PTPRQ: variants seen among roughly 807,000 people sequenced by gnomAD.
PTPRQ encodes the protein protein tyrosine phosphatase receptor type Q, also known as phosphatidylinositol phosphatase PTPRQ.
A neutral mutation model predicts 246.0 loss-of-function variants in PTPRQ; 199 were observed. That is an observed-to-expected ratio of 0.81 (90% CI 0.72 to 0.91). PTPRQ has a LOEUF of 0.91. Among genes scored for constraint, PTPRQ ranks in the 40% least tolerant of loss-of-function variants. The pLI, the probability that PTPRQ is intolerant of heterozygous loss-of-function variation, is 0.00. For synonymous variants in PTPRQ, 869 were observed against 853.2 expected (o/e 1.02, Z -0.32); for missense variants, 2,624 against 2,528.4 (o/e 1.04, Z -0.81).
At chr12:80,556,956 A>G (rs1273780678) in intron 25 of PTPRQ, among the ~76,000 whole-genome samples, 1 of 152,168 alleles carries the variant, frequency 6.6e-6, no homozygotes, top group African/African-American at 2.4e-5. Flanking sequence ...TCTTAGTTTG[A>G]TGTGACTGTC....
chr12:80,539,625 T>C (rs1896090019), intron 19 of PTPRQ, 151 bp from the exon 20 acceptor site: 2 of 580,592 alleles, frequency 3.4e-6, no homozygotes, highest in Non-Finnish European at 5.4e-6. Context: ...GTTTAATTGT[T>C]GCAATAAAAA....
chr12:80,571,352 C>G (rs1006601767), intron 25 of PTPRQ, among the ~76,000 whole-genome samples: 1 of 152,192 alleles, frequency 6.6e-6, no homozygotes. Flanking sequence ...GTTGGTCAGG[C>G]TGGTCTCGAA....
At chr12:80,622,790 A>G (rs1176522956) in intron 33 of PTPRQ, among the ~76,000 whole-genome samples, 2 of 152,074 alleles carry the variant, frequency 1.3e-5, no homozygotes, top group Non-Finnish European at 2.9e-5. Flanking sequence ...TGTTGGGAAA[A>G]TATTGATAAG....
intron 35 of PTPRQ, among the ~76,000 whole-genome samples, chr12:80,636,445 G>A (rs1899654696): frequency 6.6e-6 from 1 of 152,158 alleles, no homozygotes; most frequent in Non-Finnish European, 1.5e-5. Flanking sequence ...ATCAAAGAAA[G>A]TTTTTCCTCC....
chr12:80,568,594 T>C (rs543683401), intron 25 of PTPRQ, among the ~76,000 whole-genome samples: 2 of 152,356 alleles, frequency 1.3e-5, no homozygotes, highest in African/African-American at 4.8e-5. Context: ...ATTCCCATGG[T>C]CAGCTCTTTG....
chr12:80,541,520 G>A (rs1199786617), intron 20 of PTPRQ, 35 bp from the exon 21 acceptor site: 1 of 1,403,614 alleles, frequency 7.1e-7, no homozygotes, highest in South Asian at 1.9e-5. Flanking sequence ...TAGGGTAACT[G>A]ATGATTTTTG....
chr12:80,473,362 C>T (rs1893713576), intron 8 of PTPRQ, among the ~76,000 whole-genome samples: 1 of 152,074 alleles, frequency 6.6e-6, no homozygotes, highest in Non-Finnish European at 1.5e-5. Flanking sequence ...TTCCTTAAAT[C>T]TTAAGTTTTC....
At position 80,445,595 on chromosome 12, in the gene PTPRQ, A is replaced by T; in HGVS notation, c.268A>T (p.Ile90Phe). The change falls in exon 3 of 45, where the codon ATT becomes TTT. Residue 90 changes from isoleucine (I) to phenylalanine (F), a missense_variant. Ile to Phe is a conservative substitution (Grantham distance 21, BLOSUM62 0). Transcript: ENST00000644991. ...TCCAAATGGAAGGATTATATCTTAC[A>T]TTGTCAAATATAAGGAAGTTTGTCC... ...PNPNGRIISYIVKYKEVCPWM... is the reference protein window; with the variant it reads ...PNPNGRIISYFVKYKEVCPWM... 1 of 1,549,964 alleles carries T rather than the reference A, an allele frequency of 6.5e-7. No homozygotes were observed. The highest frequency in any genetic ancestry group is 8.7e-7 in the Non-Finnish European group (1 of 1,145,700).
intron 5 of PTPRQ, 137 bp from the exon 6 acceptor site, chr12:80,460,516 C>A (rs1893125245): frequency 5.1e-6 from 2 of 392,110 alleles, no homozygotes; most frequent in Non-Finnish European, 9.0e-6. Context: ...TAAAATCTAG[C>A]AAATTTGTCT....
Position 80,617,052 on chromosome 12 carries a change from AG to A in PTPRQ, c.5230+787del, listed in dbSNP as rs1281174518. Among the ~76,000 whole-genome samples the A allele has an allele frequency of 2.0e-5, 3 of 151,284 alleles. No homozygotes were observed. In the Admixed American group the frequency reaches 2.0e-4, roughly 10 times the overall value. On this transcript the variant is annotated intron_variant, in intron 30 of 44. Coordinates refer to ENST00000644991, the MANE Select transcript of PTPRQ (RefSeq NM_001145026.2). ...TCTAAAGCAAAAAGTAACTTTTTTC[AG>A]TCTTTGGCAAATACAGCAGAGCACA...
intron 17 of PTPRQ, among the ~76,000 whole-genome samples, chr12:80,532,156 T>A (rs1201522612): frequency 1.3e-5 from 2 of 152,184 alleles, no homozygotes; most frequent in Non-Finnish European, 2.9e-5. Context: ...AAAATAATTT[T>A]TAAAATTGAT....
intron 17 of PTPRQ, among the ~76,000 whole-genome samples, chr12:80,528,367 G>A (rs1379875937): frequency 6.6e-6 from 1 of 152,114 alleles, no homozygotes; most frequent in Non-Finnish European, 1.5e-5. Flanking sequence ...CAGAGGTTAT[G>A]TCTTTGTCAC....
rs889093641 is a variant in PTPRQ, at chr12:80,527,923, A to C, written c.2679-6092A>C. Among the ~76,000 whole-genome samples, 3 of 152,232 alleles carry C rather than the reference A, an allele frequency of 2.0e-5. No individual in the cohort carries two copies. The East Asian group carries it at 5.8e-4, about 29-fold the overall frequency. On this transcript the variant is annotated intron_variant, in intron 17 of 44. Transcript: ENST00000644991. ...AGCCTGGGCACCATGGTGAGACCCCATCTCTAGAAAAAATAAACAGGTATG... is the reference window on the plus strand; with the variant it reads ...AGCCTGGGCACCATGGTGAGACCCCCTCTCTAGAAAAAATAAACAGGTATG...
At position 80,658,072 on chromosome 12, in the gene PTPRQ, AT is replaced by A; in HGVS notation, c.6192+15del. The A allele has an allele frequency of 7.9e-7, 1 of 1,270,184 alleles. No individual in the cohort carries two copies. Among genetic ancestry groups the A allele is most frequent in the South Asian group, 2.0e-5 (1 of 48,890 alleles). 78.7% of individuals were successfully genotyped at this position (1,270,184 alleles called of 1,614,324 possible). ...GCCAGCTATATTTCTGTAAGTTACT[AT>A]TTTATATATTTTATAATTGTATAAA... On this transcript the variant is annotated intron_variant, in intron 39 of 44. Transcript: ENST00000644991.
chr12:80,652,907 C>T, intron 38 of PTPRQ, 73 bp downstream of exon 38: 1 of 1,363,520 alleles, frequency 7.3e-7, no homozygotes, highest in Admixed American at 3.5e-5. Context: ...TTTTTTGTTT[C>T]CTTAATATAT....
At chr12:80,650,680 A>G (rs1900226592) in intron 37 of PTPRQ, among the ~76,000 whole-genome samples, 1 of 152,062 alleles carries the variant, frequency 6.6e-6, no homozygotes, top group Non-Finnish European at 1.5e-5. Context: ...ACTTAACAAA[A>G]TCAATAGTGC....
At position 80,588,318 on chromosome 12, in the gene PTPRQ, A is replaced by T. The variant is rs61729263; in HGVS notation, c.4475A>T (p.Tyr1492Phe). 1.3e-6 allele frequency: 2 copies of T among 1,551,606 alleles called. No individual in the cohort carries two copies. Among genetic ancestry groups the T allele is most frequent in the South Asian group, 2.4e-5 (2 of 84,058 alleles). Residue 1492 changes from tyrosine (Y) to phenylalanine (F), a missense_variant, in exon 26 of 45, where the codon TAT becomes TTT. Coordinates refer to ENST00000644991, the MANE Select transcript of PTPRQ (RefSeq NM_001145026.2). ...CVEYQKIQYL[Y>F]EAHLTEETVY... Reference sequence around the variant, plus strand: ...GAATATCAAAAAATTCAATACCTCTATGAAGCTCACTTAACTGAAGAGACA... The same window carrying T: ...GAATATCAAAAAATTCAATACCTCTTTGAAGCTCACTTAACTGAAGAGACA...
intron 3 of PTPRQ, chr12:80,454,676 A>G: frequency 1.7e-6 from 1 of 600,700 alleles, no homozygotes. Flanking sequence ...TTTATCATGA[A>G]GGGATATTGG....
chr12:80,550,878 C>G (rs1896454321), intron 25 of PTPRQ, among the ~76,000 whole-genome samples: 1 of 151,942 alleles, frequency 6.6e-6, no homozygotes, highest in Non-Finnish European at 1.5e-5. Flanking sequence ...AGTCTGTTCC[C>G]CCATCATCCA....
Sources: gnomAD v4.1 joint callset for allele counts (sites outside exome capture counted in the v4.1 genomes callset) on GRCh38, gnomAD v4.1.1 for gene constraint, MANE v1.5 for transcripts, NCBI Gene and HGNC (gene_info 2026-07-23, HGNC 2026-07-21) for gene names.